Variants in RNF216 observed in about 807,000 individuals in gnomAD.
RNF216 encodes ring finger protein 216, also known as E3 ubiquitin-protein ligase RNF216.
Under a neutral mutation model 110.8 loss-of-function variants are expected in RNF216, and 72 were observed. The observed-to-expected ratio is 0.65, with a 90% CI of 0.54 to 0.79. The LOEUF is 0.79. RNF216 is among the 30% of genes least tolerant of loss of function. The pLI, the probability that RNF216 is intolerant of heterozygous loss-of-function variation, is 0.00. For missense variants in RNF216, 1,342 were observed against 1,141.2 expected, an observed-to-expected ratio of 1.18 and a Z score of -2.54; for synonymous variants, 495 against 407.5, an observed-to-expected ratio of 1.21 and a Z score of -2.59.
At chr7:5,735,498 C>A (rs6463508) in intron 5 of RNF216, among the ~76,000 whole-genome samples, 1 of 152,342 alleles carries the variant, frequency 6.6e-6, no homozygotes, top group South Asian at 2.1e-4. Context: ...ATAACCAAGA[C>A]AATTAAAAGC....
chr7:5,644,235 GT>G (rs1787915164), intron 14 of RNF216, among the ~76,000 whole-genome samples: 1 of 152,110 alleles, frequency 6.6e-6, no homozygotes. Context: ...GTAATTCTAT[GT>G]TTAACTTATT....
chr7:5,766,274 A>G (rs1453014429), intron 1 of RNF216, among the ~76,000 whole-genome samples: 1 of 152,166 alleles, frequency 6.6e-6, no homozygotes, highest in Non-Finnish European at 1.5e-5. Context: ...TGGGTGACAG[A>G]GTGAGACACT....
intron 13 of RNF216, among the ~76,000 whole-genome samples, chr7:5,677,113 G>T (rs1790349408): frequency 6.6e-6 from 1 of 152,210 alleles, no homozygotes; most frequent in Non-Finnish European, 1.5e-5. Flanking sequence ...CTGACGTATG[G>T]TTTACATAGT....
At chr7:5,717,277 T>C (rs1793125209) in intron 9 of RNF216, among the ~76,000 whole-genome samples, 3 of 152,148 alleles carry the variant, frequency 2.0e-5, no homozygotes, top group Non-Finnish European at 4.4e-5. Flanking sequence ...TACTTGAACC[T>C]GGGAGGCAGA....
Position 5,633,659 on chromosome 7 carries a change from G to C in RNF216, c.2382+7495C>G, listed in dbSNP as rs557075797. ...GGAGGGAGATTTGTTTCCTTTCCTT[G>C]AATTCCTTTGAGCTCAGCAGGGCGC... On this transcript the variant is annotated intron_variant, in intron 15 of 16. Coordinates refer to ENST00000389902, the MANE Select transcript of RNF216 (RefSeq NM_207111.4). Among the ~76,000 whole-genome samples, 7 of 152,318 alleles carry C rather than the reference G, an allele frequency of 4.6e-5. No individual in the cohort carries two copies. In the South Asian group the frequency reaches 1.2e-3, roughly 27 times the overall value.
At chr7:5,779,696 G>C (rs1166785940) in intron 1 of RNF216, among the ~76,000 whole-genome samples, 1 of 150,640 alleles carries the variant, frequency 6.6e-6, no homozygotes, top group Admixed American at 6.7e-5. Context: ...GAGCGTGGTG[G>C]TGCGCGCCTG....
At chr7:5,651,160 A>G (rs1788360781) in intron 14 of RNF216, among the ~76,000 whole-genome samples, 1 of 152,106 alleles carries the variant, frequency 6.6e-6, no homozygotes. Flanking sequence ...ATGTGGCCAC[A>G]ATCTAGTTAC....
chr7:5,646,518 C>T (rs1328494625), intron 14 of RNF216, among the ~76,000 whole-genome samples: 1 of 151,658 alleles, frequency 6.6e-6, no homozygotes, highest in Admixed American at 6.6e-5. Context: ...ACGGTGAAAC[C>T]CCATCTATGC....
intron 13 of RNF216, among the ~76,000 whole-genome samples, chr7:5,701,523 G>C (rs1791969733): frequency 6.6e-6 from 1 of 152,198 alleles, no homozygotes; most frequent in Non-Finnish European, 1.5e-5. Flanking sequence ...TACCCACGCT[G>C]TTTCCATTGG....
chr7:5,741,880 A>AAT, intron 3 of RNF216, 65 bp from the exon 4 acceptor site: 1 of 1,504,788 alleles, frequency 6.6e-7, no homozygotes, highest in Non-Finnish European at 8.9e-7. Context: ...TTATGTACTT[A>AAT]TATTGAGCTT....
chr7:5,674,684 C>A (rs957709572), intron 13 of RNF216, among the ~76,000 whole-genome samples: 1 of 151,708 alleles, frequency 6.6e-6, no homozygotes, highest in African/African-American at 2.4e-5. Context: ...GGAGACTAGT[C>A]CAAAAAGAGG....
intron 6 of RNF216, among the ~76,000 whole-genome samples, chr7:5,730,104 T>C (rs1039378956): frequency 2.6e-5 from 4 of 152,234 alleles, no homozygotes; most frequent in Admixed American, 6.5e-5. Context: ...TAGTATACGC[T>C]GTATACAAAT....
At position 5,641,254 on chromosome 7, in the gene RNF216, C is replaced by T. The variant is rs1461715422; in HGVS notation, c.2282G>A (p.Arg761Gln). The part of the protein sequence containing the change: ...RCGAQMCYLC[R>Q]VSINGYDHFC... ...ATGGTCATATCCATTAATAGAAACT[C>T]GACAGAGGTAGCACATCTGGGCACC... The change falls in exon 15 of 17, where the codon CGA becomes CAA. Residue 761 changes from arginine (R) to glutamine (Q), a missense_variant. Physicochemically the swap from Arg to Gln is conservative, Grantham distance 43. Coordinates refer to ENST00000389902, the MANE Select transcript of RNF216 (RefSeq NM_207111.4). 8.1e-6 allele frequency: 13 copies of T among 1,614,022 alleles called. No homozygotes were observed. The highest frequency in any genetic ancestry group is 2.2e-5 in the East Asian group (1 of 44,892).
chr7:5,631,978 G>A (rs1162888582), intron 15 of RNF216, among the ~76,000 whole-genome samples: 1 of 152,232 alleles, frequency 6.6e-6, no homozygotes, highest in Admixed American at 6.5e-5. Flanking sequence ...AGGACCCTGA[G>A]GCTCAGAAGA....
At chr7:5,682,325 C>A (rs1288443038) in intron 13 of RNF216, among the ~76,000 whole-genome samples, 8 of 152,174 alleles carry the variant, frequency 5.3e-5, no homozygotes, top group Non-Finnish European at 8.8e-5. Context: ...TCTAAAAGGG[C>A]AGCCATGGAG....
At chr7:5,642,513 C>A (rs1217778122) in intron 14 of RNF216, among the ~76,000 whole-genome samples, 1 of 151,322 alleles carries the variant, frequency 6.6e-6, no homozygotes, top group Non-Finnish European at 1.5e-5. Context: ...CTGTGCCTGG[C>A]CTATTTTTTT....
At position 5,704,223 on chromosome 7, in the gene RNF216, C is replaced by A. The variant is rs536966474; in HGVS notation, c.2061+7538G>T. On this transcript the variant is annotated intron_variant, in intron 13 of 16. Coordinates refer to ENST00000389902, the MANE Select transcript of RNF216 (RefSeq NM_207111.4). ...CTCCAGAGGCCGTCTTATATTAATA[C>A]GTTTATATTAATGCCGTATTAATAT... 7.2e-5 allele frequency among the ~76,000 whole-genome samples: 11 copies of A among 152,282 alleles called. No individual in the cohort carries two copies. In the East Asian group the frequency reaches 2.1e-3, roughly 29 times the overall value.
intron 2 of RNF216, among the ~76,000 whole-genome samples, chr7:5,758,520 TGA>T (rs1469322672): frequency 6.6e-6 from 1 of 152,186 alleles, no homozygotes; most frequent in Non-Finnish European, 1.5e-5. Flanking sequence ...GTGTCACTCC[TGA>T]GACAGCAGGA....
intron 1 of RNF216, chr7:5,774,993 C>A (rs1371897766): frequency 1.3e-5 from 2 of 152,162 alleles, no homozygotes; most frequent in East Asian, 1.9e-4. Context: ...GATCCACCCC[C>A]CCGACACTCA....
Sources: gnomAD v4.1 joint callset for allele counts (sites outside exome capture counted in the v4.1 genomes callset) on GRCh38, gnomAD v4.1.1 for gene constraint, MANE v1.5 for transcripts, NCBI Gene and HGNC (gene_info 2026-07-23, HGNC 2026-07-21) for gene names.